The following PSMD14 variants were observed in gnomAD, a reference collection of about 807,000 sequenced individuals.
PSMD14 encodes proteasome 26S subunit, non-ATPase 14.
Under a neutral mutation model 41.2 loss-of-function variants are expected in PSMD14, and 7 were observed. The observed-to-expected ratio is 0.17, with a 90% CI of 0.10 to 0.32. The LOEUF is 0.32. Among genes scored for constraint, PSMD14 ranks in the 10% least tolerant of loss-of-function variants. PSMD14 has a pLI of 1.00. For synonymous variants in PSMD14, 114 were observed against 122.3 expected, an observed-to-expected ratio of 0.93 and a Z score of 0.45; for missense variants, 139 against 375.6, an observed-to-expected ratio of 0.37 and a Z score of 5.21.
intron 6 of PSMD14, 116 bp downstream of exon 6, chr2:161,370,293 A>G: frequency 2.6e-6 from 2 of 781,054 alleles, no homozygotes; most frequent in Non-Finnish European, 4.0e-6. Flanking sequence ...TGTAATTGAC[A>G]TAAAAGTATC....
chr2:161,391,219 T>C, intron 9 of PSMD14, 41 bp downstream of exon 9: 8 of 1,470,334 alleles, frequency 5.4e-6, no homozygotes, highest in Non-Finnish European at 7.2e-6. Context: ...AAAAAATCTT[T>C]TTCAAACCAT....
intron 10 of PSMD14, among the ~76,000 whole-genome samples, chr2:161,407,316 T>C (rs746028220): frequency 7.9e-5 from 12 of 152,166 alleles, no homozygotes; most frequent in Non-Finnish European, 1.8e-4. Context: ...GAGTGACATC[T>C]GACTCTGAAA....
At chr2:161,369,134 T>C (rs1683398378) in intron 5 of PSMD14, among the ~76,000 whole-genome samples, 1 of 152,116 alleles carries the variant, frequency 6.6e-6, no homozygotes, top group South Asian at 2.1e-4. Flanking sequence ...ATATATGTTA[T>C]GGGTACTTAT....
At chr2:161,372,724 C>A (rs1020294279) in intron 7 of PSMD14, among the ~76,000 whole-genome samples, 4 of 151,824 alleles carry the variant, frequency 2.6e-5, no homozygotes, top group African/African-American at 9.7e-5. Flanking sequence ...ATATTTGATG[C>A]CTCTTAAGTT....
Position 161,316,493 on chromosome 2 carries a change from G to C in PSMD14, c.-81G>C, listed in dbSNP as rs1689149660. 1 of 152,142 alleles carries C rather than the reference G, an allele frequency of 6.6e-6. No individual in the cohort carries two copies. The highest frequency in any genetic ancestry group is 2.4e-5 in the African/African-American group (1 of 41,438). The allele number at this position is 152,142 out of a possible 1,614,324, so 9.4% of individuals were successfully genotyped here. ...AAGTTGTACCTGCCAGAATTAGCAA[G>C]AGCTTTCTTTAAGAAGACATTTGTC... On this transcript the variant is annotated 5_prime_UTR_variant, in exon 2 of 12. Transcript: ENST00000409682.
intron 3 of PSMD14, chr2:161,319,077 G>A: frequency 2.5e-6 from 1 of 399,050 alleles, no homozygotes; most frequent in Non-Finnish European, 4.4e-6. Flanking sequence ...TTTCTCCTGG[G>A]AATAAGAATT....
At chr2:161,387,808 A>G (rs1683653702) in intron 8 of PSMD14, among the ~76,000 whole-genome samples, 2 of 152,036 alleles carry the variant, frequency 1.3e-5, no homozygotes, top group Non-Finnish European at 1.5e-5. Context: ...CTTTTAGAAA[A>G]TGTTATTTTT....
intron 3 of PSMD14, among the ~76,000 whole-genome samples, chr2:161,334,989 A>G (rs1682847287): frequency 6.6e-6 from 1 of 152,264 alleles, no homozygotes; most frequent in Non-Finnish European, 1.5e-5. Flanking sequence ...GGTAGTGGTC[A>G]GCAGTATTTC....
chr2:161,391,644 T>C (rs1361674476), intron 9 of PSMD14, among the ~76,000 whole-genome samples: 1 of 152,102 alleles, frequency 6.6e-6, no homozygotes, highest in Non-Finnish European at 1.5e-5. Context: ...CAGACTAGAG[T>C]GCAATGGTGT....
At chr2:161,314,869 G>A (rs1689130490) in intron 1 of PSMD14, among the ~76,000 whole-genome samples, 2 of 152,320 alleles carry the variant, frequency 1.3e-5, no homozygotes, top group African/African-American at 2.4e-5. Flanking sequence ...GTGTAAACAT[G>A]CATGTACATG....
chr2:161,324,307 T>C (rs1490684383), intron 3 of PSMD14, among the ~76,000 whole-genome samples: 1 of 152,240 alleles, frequency 6.6e-6, no homozygotes, highest in Non-Finnish European at 1.5e-5. Context: ...ACACATTAAC[T>C]ACTTTGAATC....
At chr2:161,371,102 T>G in intron 6 of PSMD14, 70 bp from the exon 7 acceptor site, 1 of 1,495,426 alleles carries the variant, frequency 6.7e-7, no homozygotes, top group Non-Finnish European at 9.2e-7. Flanking sequence ...CGTTAGTGTG[T>G]TGTTTCTTTT....
intron 3 of PSMD14, among the ~76,000 whole-genome samples, chr2:161,338,132 G>A (rs191794193): frequency 6.6e-6 from 1 of 152,298 alleles, no homozygotes; most frequent in African/African-American, 2.4e-5. Flanking sequence ...ACATAGCCTT[G>A]TGGTGAGTTG....
intron 1 of PSMD14, among the ~76,000 whole-genome samples, chr2:161,309,219 G>T (rs1689059878): frequency 6.6e-6 from 1 of 152,180 alleles, no homozygotes; most frequent in African/African-American, 2.4e-5. Context: ...TTTAAGTAAA[G>T]TAGAAATCTG....
At chr2:161,327,878 T>TAA (rs141704526) in intron 3 of PSMD14, among the ~76,000 whole-genome samples, 20 of 145,492 alleles carry the variant, frequency 1.4e-4, no homozygotes, top group Admixed American at 5.5e-4. Context: ...TTAGATTAGT[T>TAA]AAAAAACAAA....
chr2:161,343,662 T>C (rs1426959844), intron 3 of PSMD14, among the ~76,000 whole-genome samples: 2 of 152,192 alleles, frequency 1.3e-5, no homozygotes. Flanking sequence ...ACCCTGTCTA[T>C]TCTAAAAATA....
At chr2:161,331,153 T>C (rs1682783002) in intron 3 of PSMD14, among the ~76,000 whole-genome samples, 1 of 152,258 alleles carries the variant, frequency 6.6e-6, no homozygotes, top group Non-Finnish European at 1.5e-5. Context: ...TGCTTTAATT[T>C]GTACCTGGTT....
intron 11 of PSMD14, 75 bp from the exon 12 acceptor site, chr2:161,411,226 TA>T: frequency 1.2e-6 from 1 of 864,178 alleles, no homozygotes; most frequent in Non-Finnish European, 1.7e-6. Flanking sequence ...TTTCATCAGC[TA>T]CTGAAAAAAA....
chr2:161,357,552 A>G (rs1683224350), intron 3 of PSMD14, among the ~76,000 whole-genome samples: 1 of 152,184 alleles, frequency 6.6e-6, no homozygotes, highest in Non-Finnish European at 1.5e-5. Context: ...TAGCAAAAGT[A>G]ATTATTTCAG....
Sources: allele counts gnomAD v4.1 joint callset (sites outside exome capture counted in the v4.1 genomes callset), GRCh38; gene constraint gnomAD v4.1.1; transcripts MANE v1.5; gene names NCBI Gene and HGNC (gene_info 2026-07-23, HGNC 2026-07-21).